Variants in MARCHF1 observed in about 807,000 individuals in gnomAD.
MARCHF1 encodes membrane associated ring-CH-type finger 1, also known as E3 ubiquitin-protein ligase MARCHF1.
A neutral mutation model predicts 54.2 loss-of-function variants in MARCHF1; 40 were observed. That is an observed-to-expected ratio of 0.74 (90% CI 0.57 to 0.96). The LOEUF (loss-of-function observed/expected upper bound fraction) is 0.96. Among genes scored for constraint, MARCHF1 ranks in the 40% least tolerant of loss-of-function variants. The pLI is 0.00. For missense variants in MARCHF1, 586 were observed against 656.5 expected, an observed-to-expected ratio of 0.89 and a Z score of 1.17; for synonymous variants, 236 against 236.3, an observed-to-expected ratio of 1.00 and a Z score of 0.01.
At chr4:163,636,346 C>G (rs1429950643) in intron 5 of MARCHF1, among the ~76,000 whole-genome samples, 7 of 143,472 alleles carry the variant, frequency 4.9e-5, no homozygotes, top group Non-Finnish European at 9.2e-5. Flanking sequence ...CTAGAAAACC[C>G]CATTGTCTCA....
At chr4:163,753,073 A>G (rs1361502472) in intron 4 of MARCHF1, among the ~76,000 whole-genome samples, 1 of 152,072 alleles carries the variant, frequency 6.6e-6, no homozygotes, top group Non-Finnish European at 1.5e-5. Context: ...TTCTGCATCT[A>G]CTCGTTATTT....
At chr4:164,345,819 AT>A (rs1294430654) in intron 1 of MARCHF1, among the ~76,000 whole-genome samples, 1 of 151,422 alleles carries the variant, frequency 6.6e-6, no homozygotes, top group African/African-American at 2.4e-5. Context: ...TTTTTTTCTA[AT>A]TTTTTCCAAC....
At chr4:164,236,909 G>A (rs1732578015) in intron 1 of MARCHF1, among the ~76,000 whole-genome samples, 1 of 152,082 alleles carries the variant, frequency 6.6e-6, no homozygotes, top group Non-Finnish European at 1.5e-5. Context: ...TCCAATTTGA[G>A]CCTTCTTCCA....
At chr4:164,102,602 C>A (rs1355737827) in intron 2 of MARCHF1, among the ~76,000 whole-genome samples, 1 of 150,910 alleles carries the variant, frequency 6.6e-6, no homozygotes, top group East Asian at 1.9e-4. Flanking sequence ...CTTACAAGAG[C>A]TCCTGAAGGA....
At chr4:163,876,961 A>G (rs1276064116) in intron 3 of MARCHF1, among the ~76,000 whole-genome samples, 1 of 152,114 alleles carries the variant, frequency 6.6e-6, no homozygotes, top group Non-Finnish European at 1.5e-5. Context: ...GAAAAAGATA[A>G]CCTTATGGAT....
chr4:164,204,711 G>T (rs111830043), intron 1 of MARCHF1, among the ~76,000 whole-genome samples: 1,790 of 152,294 alleles, frequency 0.012, 28 homozygotes, highest in East Asian at 0.077. Context: ...GGTTGAGGCT[G>T]TGAAAAGAAT....
At chr4:163,633,832 AG>A (rs1273657256) in intron 5 of MARCHF1, among the ~76,000 whole-genome samples, 1 of 152,184 alleles carries the variant, frequency 6.6e-6, no homozygotes, top group Non-Finnish European at 1.5e-5. Flanking sequence ...AAAAATGTTA[AG>A]GGCAGCCAGA....
intron 3 of MARCHF1, among the ~76,000 whole-genome samples, chr4:163,929,546 T>C (rs1342944810): frequency 6.6e-6 from 1 of 152,026 alleles, no homozygotes; most frequent in Admixed American, 6.6e-5. Flanking sequence ...AAGTATTTTT[T>C]TTCCCTTCAT....
chr4:163,607,448 C>T (rs2110910618), intron 7 of MARCHF1, among the ~76,000 whole-genome samples: 1 of 152,136 alleles, frequency 6.6e-6, no homozygotes, highest in East Asian at 1.9e-4. Context: ...AGTGGACTCA[C>T]TGATAGAAAT....
intron 4 of MARCHF1, among the ~76,000 whole-genome samples, chr4:163,701,523 A>G (rs927595917): frequency 3.9e-5 from 6 of 152,214 alleles, no homozygotes; most frequent in Non-Finnish European, 7.3e-5. Flanking sequence ...TTAAAAGGTC[A>G]TATAATTTTA....
At chr4:163,852,974 TG>T (rs1749680821) in intron 4 of MARCHF1, among the ~76,000 whole-genome samples, 1 of 152,064 alleles carries the variant, frequency 6.6e-6, no homozygotes, top group South Asian at 2.1e-4. Flanking sequence ...CCTTCCAACA[TG>T]TAGGGACACA....
intron 5 of MARCHF1, among the ~76,000 whole-genome samples, chr4:163,630,497 T>C (rs1029717737): frequency 1.3e-5 from 2 of 152,190 alleles, no homozygotes; most frequent in Admixed American, 6.5e-5. Context: ...TACGTCTTGA[T>C]TGCAGCAGAG....
intron 2 of MARCHF1, among the ~76,000 whole-genome samples, chr4:164,049,688 T>C (rs1019118833): frequency 2.0e-5 from 3 of 152,190 alleles, no homozygotes; most frequent in African/African-American, 7.2e-5. Context: ...CATTTTTTCT[T>C]ATAAACTGAG....
intron 1 of MARCHF1, among the ~76,000 whole-genome samples, chr4:164,361,331 A>T (rs901915457): frequency 2.0e-5 from 3 of 152,094 alleles, no homozygotes; most frequent in African/African-American, 7.2e-5. Context: ...GCTCAAATTA[A>T]ATTAGACCCT....
chr4:163,646,253 C>A (rs892294017), intron 5 of MARCHF1, among the ~76,000 whole-genome samples: 3 of 145,128 alleles, frequency 2.1e-5, no homozygotes, highest in South Asian at 2.2e-4. Flanking sequence ...TTAAAAAAAA[C>A]CCAGAAACCT....
intron 7 of MARCHF1, among the ~76,000 whole-genome samples, chr4:163,590,255 TAAAA>T (rs371898817): frequency 7.7e-5 from 10 of 129,778 alleles, no homozygotes; most frequent in Non-Finnish European, 1.2e-4. Flanking sequence ...AACTCATCAC[TAAAA>T]AAAAAAAAAA....
At chr4:164,351,445 T>TCCCTGAC (rs1241501431) in intron 1 of MARCHF1, among the ~76,000 whole-genome samples, 7 of 150,456 alleles carry the variant, frequency 4.7e-5, no homozygotes, top group African/African-American at 1.7e-4. Flanking sequence ...CTCAAGTGGG[T>TCCCTGAC]CCCTGACCCC....
At chr4:163,868,865 C>T (rs558609573) in intron 3 of MARCHF1, among the ~76,000 whole-genome samples, 4 of 151,852 alleles carry the variant, frequency 2.6e-5, no homozygotes, top group African/African-American at 9.6e-5. Flanking sequence ...CAAGTAGTGT[C>T]CAACTTCAGG....
chr4:163,954,695 T>C (rs1421027659), intron 3 of MARCHF1, among the ~76,000 whole-genome samples: 2 of 152,220 alleles, frequency 1.3e-5, no homozygotes. Flanking sequence ...AAAATTTGAA[T>C]GTGTTTATAA....
Sources: allele counts gnomAD v4.1 joint callset (sites outside exome capture counted in the v4.1 genomes callset), GRCh38; gene constraint gnomAD v4.1.1; transcripts MANE v1.5; gene names NCBI Gene and HGNC (gene_info 2026-07-23, HGNC 2026-07-21).